CNTNAP5: variants seen among roughly 807,000 people sequenced by gnomAD.
CNTNAP5 encodes contactin-associated protein-like 5.
A neutral mutation model predicts 150.2 loss-of-function variants in CNTNAP5; 72 were observed. The observed-to-expected ratio is 0.48, with a 90% CI of 0.40 to 0.58. The LOEUF (loss-of-function observed/expected upper bound fraction) is 0.58. CNTNAP5 is among the 20% of genes least tolerant of loss of function. CNTNAP5 has a pLI of 0.00. For synonymous variants in CNTNAP5, 672 were observed against 619.8 expected (o/e 1.08, Z -1.25); for missense variants, 1,636 against 1,626.2 (o/e 1.01, Z -0.10).
rs139986173 is a variant in CNTNAP5, at chr2:124,917,864, C to A, written c.*3576C>A. 6.6e-6 allele frequency among the ~76,000 whole-genome samples: 1 copy of A among 151,964 alleles called. No individual in the cohort carries two copies. Among genetic ancestry groups the A allele is most frequent in the Admixed American group, 6.6e-5 (1 of 15,210 alleles). On this transcript the variant is annotated 3_prime_UTR_variant, in exon 24 of 24. Coordinates refer to ENST00000682447, the MANE Select transcript of CNTNAP5 (RefSeq NM_001367498.1). ...TGTCCTAGAATGCAGCACAAGGTCC[C>A]GCACAATTATTTTTGTGAAGCATCT... is the stretch of plus-strand genomic sequence containing the variant.
intron 19 of CNTNAP5, among the ~76,000 whole-genome samples, chr2:124,845,012 A>G (rs528777183): frequency 9.1e-4 from 138 of 152,112 alleles, no homozygotes; most frequent in African/African-American, 3.1e-3. Context: ...TTCCATTACT[A>G]TGTTAAATAG....
At chr2:124,500,531 G>A (rs1436914249) in intron 7 of CNTNAP5, among the ~76,000 whole-genome samples, 1 of 152,128 alleles carries the variant, frequency 6.6e-6, no homozygotes, top group Admixed American at 6.6e-5. Context: ...TATATCCAAG[G>A]AGGTCAGACC....
At chr2:124,279,121 G>T (rs1573886802) in intron 3 of CNTNAP5, among the ~76,000 whole-genome samples, 1 of 151,934 alleles carries the variant, frequency 6.6e-6, no homozygotes, top group East Asian at 1.9e-4. Context: ...TCTGATTGAC[G>T]CCGCTGTCTG....
rs1040860865 is a variant in CNTNAP5 at position 124,886,130 on chromosome 2, T to G, written c.3436+16368T>G. On this transcript the variant is annotated intron_variant, in intron 21 of 23. Transcript: ENST00000682447. Reference sequence around the variant, plus strand: ...AAACAAAGAGATACTTAAAGATGATTCTGGTTGGATTTATTCTTTTAATTA... The same window carrying G: ...AAACAAAGAGATACTTAAAGATGATGCTGGTTGGATTTATTCTTTTAATTA... 5.9e-5 allele frequency among the ~76,000 whole-genome samples: 9 copies of G among 152,196 alleles called. 1 individual carries two copies. The South Asian group carries it at 1.9e-3, about 32-fold the overall frequency.
intron 1 of CNTNAP5, among the ~76,000 whole-genome samples, chr2:124,112,183 T>C (rs7578017): frequency 0.14 from 20,617 of 152,224 alleles, 1,492 homozygotes; most frequent in South Asian, 0.23. Context: ...TTCCTGACTA[T>C]TAATTTTAGC....
chr2:124,769,937 T>C (rs72847352), intron 16 of CNTNAP5, among the ~76,000 whole-genome samples: 3,637 of 152,234 alleles, frequency 0.024, 164 homozygotes, highest in East Asian at 0.1. Context: ...AAATGAGTAG[T>C]AAGGTATTTG....
At chr2:124,667,122 C>G (rs574707411) in intron 13 of CNTNAP5, among the ~76,000 whole-genome samples, 30 of 152,248 alleles carry the variant, frequency 2.0e-4, no homozygotes, top group Admixed American at 1.6e-3. Flanking sequence ...AAAGATTAAC[C>G]AAGGAATGAG....
chr2:124,272,320 T>C (rs1420283013), intron 3 of CNTNAP5, among the ~76,000 whole-genome samples: 1 of 152,204 alleles, frequency 6.6e-6, no homozygotes, highest in Non-Finnish European at 1.5e-5. Context: ...AAGTAGGTAC[T>C]TTTTCTGGCA....
At chr2:124,628,507 C>T (rs955268352) in intron 12 of CNTNAP5, among the ~76,000 whole-genome samples, 1 of 152,084 alleles carries the variant, frequency 6.6e-6, no homozygotes, top group African/African-American at 2.4e-5. Context: ...TTTTCAGACA[C>T]GCAAATGCTG....
chr2:124,867,833 C>T lies in CNTNAP5; in HGVS notation c.3349-1842C>T, dbSNP rs541531379. Among the ~76,000 whole-genome samples, 12 of 152,292 alleles carry T rather than the reference C, an allele frequency of 7.9e-5. No homozygotes were observed. In the South Asian group the frequency reaches 2.3e-3, roughly 29 times the overall value. Reference sequence around the variant, plus strand: ...TGGATTCCAGACCTTATACCAACTACCTACTGGGCATATCTATATGAATAT... The same window carrying T: ...TGGATTCCAGACCTTATACCAACTATCTACTGGGCATATCTATATGAATAT... On this transcript the variant is annotated intron_variant, in intron 20 of 23. Coordinates refer to ENST00000682447, the MANE Select transcript of CNTNAP5 (RefSeq NM_001367498.1).
chr2:124,906,434 A>G (rs893299303), intron 22 of CNTNAP5, among the ~76,000 whole-genome samples: 1 of 152,114 alleles, frequency 6.6e-6, no homozygotes, highest in African/African-American at 2.4e-5. Context: ...AGCACACACT[A>G]AGAACAATAG....
intron 3 of CNTNAP5, among the ~76,000 whole-genome samples, chr2:124,368,838 A>T (rs1048759450): frequency 3.9e-5 from 6 of 152,156 alleles, no homozygotes; most frequent in African/African-American, 1.4e-4. Flanking sequence ...TAGGCATAAG[A>T]TATCTCTGAA....
intron 10 of CNTNAP5, among the ~76,000 whole-genome samples, chr2:124,543,111 G>C (rs930266081): frequency 6.6e-6 from 1 of 152,068 alleles, no homozygotes; most frequent in African/African-American, 2.4e-5. Flanking sequence ...TAAAAGCAAC[G>C]CCAGAGCCAG....
At chr2:124,343,824 G>A (rs1223523853) in intron 3 of CNTNAP5, among the ~76,000 whole-genome samples, 4 of 152,184 alleles carry the variant, frequency 2.6e-5, no homozygotes, top group East Asian at 1.9e-4. Context: ...TATTTAACTC[G>A]CACTTCTGCA....
At chr2:124,270,773 G>T (rs558544414) in intron 3 of CNTNAP5, among the ~76,000 whole-genome samples, 23 of 152,004 alleles carry the variant, frequency 1.5e-4, no homozygotes, top group Admixed American at 9.8e-4. Context: ...AAAAAGTCAT[G>T]TCAAATAATC....
chr2:124,128,840 T>C (rs1683778969), intron 1 of CNTNAP5, among the ~76,000 whole-genome samples: 1 of 152,080 alleles, frequency 6.6e-6, no homozygotes, highest in South Asian at 2.1e-4. Flanking sequence ...ATATTCTCAC[T>C]CATAGGTGGG....
chr2:124,589,155 A>C (rs891517949), intron 11 of CNTNAP5, among the ~76,000 whole-genome samples: 6 of 152,084 alleles, frequency 3.9e-5, no homozygotes, highest in Non-Finnish European at 7.4e-5. Flanking sequence ...TCGATGCCCC[A>C]AAAAGTGACC....
At chr2:124,648,462 T>C (rs1573521502) in intron 13 of CNTNAP5, among the ~76,000 whole-genome samples, 2 of 151,952 alleles carry the variant, frequency 1.3e-5, no homozygotes, top group South Asian at 4.2e-4. Context: ...AACCTGTGGG[T>C]TCATGGCATG....
At chr2:124,481,837 T>C (rs978706889) in intron 7 of CNTNAP5, among the ~76,000 whole-genome samples, 3 of 152,170 alleles carry the variant, frequency 2.0e-5, no homozygotes, top group Non-Finnish European at 2.9e-5. Context: ...ATTACAACCA[T>C]GGTGCAAAAA....
Sources: allele counts gnomAD v4.1 joint callset (sites outside exome capture counted in the v4.1 genomes callset), GRCh38; gene constraint gnomAD v4.1.1; transcripts MANE v1.5; gene names NCBI Gene and HGNC (gene_info 2026-07-23, HGNC 2026-07-21).